FOCAD: variants seen among roughly 807,000 people sequenced by gnomAD.
The protein encoded by FOCAD is focadhesin, also known as KIAA1797.
A neutral mutation model predicts 225.6 loss-of-function variants in FOCAD; 198 were observed. The ratio of observed to expected loss-of-function variants is 0.88; its 90% CI spans 0.78 to 0.99. The LOEUF is 0.99. Ranked by LOEUF, FOCAD falls within the 50% of genes least tolerant of loss-of-function variation. FOCAD has a pLI of 0.00. For missense variants in FOCAD, 2,713 were observed against 2,123.6 expected (o/e 1.28, Z -5.46); for synonymous variants, 897 against 755.0 (o/e 1.19, Z -3.08).
At chr9:20,812,308 AT>A (rs898454867) in intron 11 of FOCAD, among the ~76,000 whole-genome samples, 2 of 151,830 alleles carry the variant, frequency 1.3e-5, no homozygotes, top group African/African-American at 4.8e-5. Flanking sequence ...GAGCTATCAT[AT>A]TTTTTTAAAA....
rs35710134 is a variant in FOCAD, at chr9:20,777,304, GTTTT to G, written c.907-1360_907-1357del. ...TACAGATTTCCTTTTTTTCCTGTGGGTTTTTTTTTTTTTTTTTTTTGACTGTCTT... is the reference window on the plus strand; with the variant it reads ...TACAGATTTCCTTTTTTTCCTGTGGGTTTTTTTTTTTTTTTTGACTGTCTT... On this transcript the variant is annotated intron_variant, in intron 8 of 43. Coordinates refer to ENST00000338382, the MANE Select transcript of FOCAD (RefSeq NM_001375567.1). Among the ~76,000 whole-genome samples, 80 of 110,862 alleles carry G rather than the reference GTTTT, an allele frequency of 7.2e-4. No individual in the cohort carries two copies. The East Asian group carries it at 7.4e-3, about 10-fold the overall frequency. 72.7% of individuals were successfully genotyped at this position (110,862 alleles called of 152,430 possible). A position where few individuals can be genotyped will look rare whatever the true frequency, so the allele number is the denominator to read the frequency against.
intron 6 of FOCAD, among the ~76,000 whole-genome samples, chr9:20,758,959 C>A (rs1261098018): frequency 1.3e-5 from 2 of 152,090 alleles, no homozygotes; most frequent in Non-Finnish European, 2.9e-5. Flanking sequence ...CACAAGCATT[C>A]TTATACACCA....
intron 4 of FOCAD, among the ~76,000 whole-genome samples, chr9:20,723,469 G>A (rs10964677): frequency 0.35 from 53,697 of 152,164 alleles, 10,145 homozygotes; most frequent in South Asian, 0.46. Flanking sequence ...ACTCCAGCCT[G>A]GGTGACAGAG....
chr9:20,979,483 TG>T (rs1301216125), intron 37 of FOCAD, among the ~76,000 whole-genome samples: 7 of 152,102 alleles, frequency 4.6e-5, no homozygotes, highest in African/African-American at 7.2e-5. Flanking sequence ...GGACTATAGG[TG>T]TGCACCACCG....
At chr9:20,957,030 C>A (rs1189678113) in intron 35 of FOCAD, among the ~76,000 whole-genome samples, 1 of 152,010 alleles carries the variant, frequency 6.6e-6, no homozygotes, top group African/African-American at 2.4e-5. Flanking sequence ...ATAAACTTTC[C>A]CTGTTTTCAT....
At chr9:20,744,573 T>G (rs1827889794) in intron 5 of FOCAD, among the ~76,000 whole-genome samples, 1 of 152,202 alleles carries the variant, frequency 6.6e-6, no homozygotes, top group Non-Finnish European at 1.5e-5. Context: ...GAGTCTCAAC[T>G]CTGTCTGCAC....
intron 37 of FOCAD, 142 bp downstream of exon 37, chr9:20,978,596 C>A: frequency 2.0e-6 from 1 of 502,304 alleles, no homozygotes; most frequent in Non-Finnish European, 3.5e-6. Context: ...TAGTAGCTGG[C>A]CTGCATATTG....
At chr9:20,767,965 T>A (rs978420517) in intron 7 of FOCAD, among the ~76,000 whole-genome samples, 1 of 152,156 alleles carries the variant, frequency 6.6e-6, no homozygotes, top group African/African-American at 2.4e-5. Context: ...TTATGTCTAA[T>A]GTTTAAGTCT....
chr9:20,663,456 T>C (rs867847637), intron 2 of FOCAD, among the ~76,000 whole-genome samples: 30 of 146,464 alleles, frequency 2.0e-4, no homozygotes, highest in African/African-American at 7.7e-4. Context: ...ACCTACTACA[T>C]GTATGCATGT....
intron 11 of FOCAD, among the ~76,000 whole-genome samples, chr9:20,817,698 A>G (rs1000591424): frequency 2.6e-5 from 4 of 151,892 alleles, no homozygotes; most frequent in African/African-American, 7.3e-5. Flanking sequence ...AGGTTCATCC[A>G]TGTTGTAGCA....
intron 1 of FOCAD, among the ~76,000 whole-genome samples, chr9:20,689,513 A>T (rs942224534): frequency 6.6e-6 from 1 of 152,134 alleles, no homozygotes; most frequent in Non-Finnish European, 1.5e-5. Context: ...ACTTGGAAGG[A>T]TGATTAGCCT....
At chr9:20,971,968 A>G (rs1839803243) in intron 35 of FOCAD, among the ~76,000 whole-genome samples, 1 of 152,090 alleles carries the variant, frequency 6.6e-6, no homozygotes, top group Non-Finnish European at 1.5e-5. Context: ...TGTTATGTAT[A>G]TACTGCATTT....
At chr9:20,663,155 G>C (rs988027792) in intron 2 of FOCAD, among the ~76,000 whole-genome samples, 1 of 152,084 alleles carries the variant, frequency 6.6e-6, no homozygotes, top group East Asian at 1.9e-4. Flanking sequence ...GAGAGGCTGA[G>C]GTGGGAGGAT....
intron 4 of FOCAD, among the ~76,000 whole-genome samples, chr9:20,731,114 T>C (rs2131605199): frequency 6.6e-6 from 1 of 152,226 alleles, no homozygotes; most frequent in East Asian, 1.9e-4. Context: ...GGTGCGTGCC[T>C]GTAATCCCTC....
intron 10 of FOCAD, among the ~76,000 whole-genome samples, chr9:20,789,082 C>T (rs1820248672): frequency 6.6e-6 from 1 of 151,896 alleles, no homozygotes; most frequent in African/African-American, 2.4e-5. Flanking sequence ...TATATTGATC[C>T]ATATATTCTG....
chr9:20,666,196 T>A (rs1821895831), intron 2 of FOCAD, among the ~76,000 whole-genome samples: 2 of 152,198 alleles, frequency 1.3e-5, no homozygotes, highest in Admixed American at 6.5e-5. Context: ...TATCTCATTG[T>A]TTAAACTATT....
At chr9:20,940,533 A>G (rs1351614234) in intron 28 of FOCAD, among the ~76,000 whole-genome samples, 1 of 151,844 alleles carries the variant, frequency 6.6e-6, no homozygotes, top group Admixed American at 6.6e-5. Flanking sequence ...AATCCTCCCA[A>G]CCCTGGCCTC....
chr9:20,683,243 A>G (rs189171130), upstream of FOCAD: 10 of 152,340 alleles, frequency 6.6e-5, no homozygotes, highest in East Asian at 1.9e-3. Flanking sequence ...ACTTAGAAAA[A>G]TATCAATGTC....
At chr9:20,797,015 G>C (rs1821189166) in intron 11 of FOCAD, among the ~76,000 whole-genome samples, 1 of 152,180 alleles carries the variant, frequency 6.6e-6, no homozygotes, top group Non-Finnish European at 1.5e-5. Context: ...AAGGGATCCA[G>C]TTTCAGCTTT....
Sources: gnomAD v4.1 joint callset for allele counts (sites outside exome capture counted in the v4.1 genomes callset) on GRCh38, gnomAD v4.1.1 for gene constraint, MANE v1.5 for transcripts, NCBI Gene and HGNC (gene_info 2026-07-23, HGNC 2026-07-21) for gene names.